Variants in MYT1L observed in about 807,000 individuals in gnomAD.
The protein encoded by MYT1L is myelin transcription factor 1 like.
In MYT1L, 12 loss-of-function variants were observed where a neutral mutation model predicts 126.7. The observed-to-expected ratio is 0.09, with a 90% CI of 0.06 to 0.15. The LOEUF is 0.15. Ranked by LOEUF, MYT1L falls within the 10% of genes least tolerant of loss-of-function variation. MYT1L has a pLI of 1.00. For synonymous variants in MYT1L, 541 were observed against 604.2 expected, an observed-to-expected ratio of 0.90 and a Z score of 1.53; for missense variants, 979 against 1,585.2, an observed-to-expected ratio of 0.62 and a Z score of 6.49.
Position 1,917,054 on chromosome 2 carries a change from C to T in MYT1L, c.1618+151G>A. 9.6e-7 allele frequency: 1 copy of T among 1,043,914 alleles called. No homozygotes were observed. The highest frequency in any genetic ancestry group is 1.4e-6 in the Non-Finnish European group (1 of 726,098). 64.7% of individuals were successfully genotyped at this position (1,043,914 alleles called of 1,614,324 possible). On this transcript the variant is annotated intron_variant, in intron 11 of 24. Coordinates refer to ENST00000647738, the MANE Select transcript of MYT1L (RefSeq NM_001303052.2). The surrounding 1 kb of genome is among the most constrained non-coding windows in gnomAD (Gnocchi z 5.9). The stretch of plus-strand genomic sequence containing the variant: ...TGTGCCATTGGCATGCCCACGAATC[C>T]TGGATCAGTTGCCCATCAAGTTAAG...
Position 1,912,109 on chromosome 2 carries a change from G to A in MYT1L, c.1620C>T (p.Ile540=). The A allele has an allele frequency of 6.4e-7, 1 of 1,571,910 alleles. No homozygotes were observed. ...CPHKDRVPPE[I]LAMHESVLKC... ...TGAGGACACTTTCATGCATGGCAAG[G>A]ACTTGACAGGGAGAGGCAAAGAGAA... Residue 540 remains isoleucine, a splice_region_variant and synonymous_variant, in exon 12 of 25, where the codon ATC becomes ATT. Transcript: ENST00000647738. This position sits in a 1 kb window ranked among gnomAD's most constrained non-coding sequence, Gnocchi z 4.3.
intron 2 of MYT1L, among the ~76,000 whole-genome samples, chr2:2,208,333 C>A (rs17338491): frequency 0.12 from 18,440 of 152,122 alleles, 1,176 homozygotes; most frequent in Non-Finnish European, 0.15. Flanking sequence ...TGGCGGTAAA[C>A]GTGTCTGGTT....
In MYT1L at chr2:2,005,895, C is replaced by T. The variant is rs114155222; in HGVS notation, c.-157-8548G>A. Reference sequence around the variant, plus strand: ...TTCCTGCATGCGTTCTTTCCTCATGCGTTCTTTCCTGCGTGCCTTCTTTCC... The same window carrying T: ...TTCCTGCATGCGTTCTTTCCTCATGTGTTCTTTCCTGCGTGCCTTCTTTCC... On this transcript the variant is annotated intron_variant, in intron 4 of 24. Coordinates refer to ENST00000647738, the MANE Select transcript of MYT1L (RefSeq NM_001303052.2). Among the ~76,000 whole-genome samples, 1,216 of 146,688 alleles carry T rather than the reference C, an allele frequency of 8.3e-3. 17 individuals carry two copies. Among genetic ancestry groups the T allele is most frequent in the African/African-American group, 0.028 (1,111 of 39,204 alleles).
intron 2 of MYT1L, among the ~76,000 whole-genome samples, chr2:2,216,072 A>ACTTCCAGCATGTAAAATGCTTT (rs6146586): frequency 0.31 from 46,380 of 150,982 alleles, 7,513 homozygotes; most frequent in African/African-American, 0.42. Context: ...TCTCAGTTCC[A>ACTTCCAGCATGTAAAATGCTTT]CGTTCCACCT....
chr2:2,125,690 T>C (rs2081595531), intron 3 of MYT1L, among the ~76,000 whole-genome samples: 1 of 152,198 alleles, frequency 6.6e-6, no homozygotes, highest in African/African-American at 2.4e-5. Context: ...AGAATCATTA[T>C]GAGTATAGTG....
chr2:1,871,073 C>A (rs1030473640), intron 18 of MYT1L, among the ~76,000 whole-genome samples: 1 of 152,222 alleles, frequency 6.6e-6, no homozygotes, highest in African/African-American at 2.4e-5. Context: ...GCAGGTGAGA[C>A]AGAAGAAGCT....
rs145244209 is a variant in MYT1L, at chr2:1,902,976, G to A, written c.2032+104C>T. ...AAGTCCTGTTCTTTTGGTACCCATT[G>A]AGTGACCACCACCGCTCAACTAATT... On this transcript the variant is annotated intron_variant, in intron 14 of 24. Transcript: ENST00000647738. The A allele has an allele frequency of 7.6e-3, 8,055 of 1,061,356 alleles. 39 individuals are homozygous for A. The highest frequency in any genetic ancestry group is 0.017 in the Middle Eastern group (59 of 3,486). 65.7% of individuals were successfully genotyped at this position (1,061,356 alleles called of 1,614,324 possible). A position where few individuals can be genotyped will look rare whatever the true frequency, so the allele number is the denominator to read the frequency against.
chr2:1,922,453 G>A lies in MYT1L; in HGVS notation c.1316C>T (p.Ala439Val). 1 of 1,613,866 alleles carries A rather than the reference G, an allele frequency of 6.2e-7. No individual in the cohort carries two copies. The highest frequency in any genetic ancestry group is 8.5e-7 in the Non-Finnish European group (1 of 1,179,888). The change falls in exon 10 of 25, where the codon GCT becomes GTT. Residue 439 changes from alanine (A) to valine (V), a missense_variant. Physicochemically the swap from Ala to Val is moderately conservative, Grantham distance 64 (BLOSUM62 0). This residue lies in a region of MYT1L where 67 missense variants were observed against 80.3 expected (regional missense o/e 0.83). Transcript: ENST00000647738. The surrounding 1 kb of genome is among the most constrained non-coding windows in gnomAD (Gnocchi z 7.4). ...GNLTLLEKAI[A>V]LETERAKAMR... ...GGCCTTTGCTCTTTCCGTTTCCAAA[G>A]CGATGGCTTTCTCCAGCAGGGTCAG...
intron 21 of MYT1L, chr2:1,828,650 T>C (rs936027397): frequency 6.6e-6 from 1 of 152,236 alleles, no homozygotes. Context: ...TTAAATGAGA[T>C]GACTGATTTA....
intron 2 of MYT1L, among the ~76,000 whole-genome samples, chr2:2,181,749 C>T (rs755510247): frequency 7.2e-5 from 11 of 152,132 alleles, no homozygotes; most frequent in Non-Finnish European, 4.4e-5. Flanking sequence ...AGGGTGCATG[C>T]CGAGAAGTGA....
At chr2:2,291,163 G>A (rs2095593594) in intron 1 of MYT1L, among the ~76,000 whole-genome samples, 1 of 152,040 alleles carries the variant, frequency 6.6e-6, no homozygotes, top group Admixed American at 6.6e-5. Flanking sequence ...ACAAAGCACA[G>A]AAGCAGCCTA....
chr2:1,951,500 G>A (rs753952077), intron 8 of MYT1L, among the ~76,000 whole-genome samples: 2 of 152,174 alleles, frequency 1.3e-5, no homozygotes, highest in Non-Finnish European at 2.9e-5. Flanking sequence ...CACATCCACA[G>A]GAAAGAGAGA....
chr2:2,095,149 C>T (rs543924992), intron 3 of MYT1L, among the ~76,000 whole-genome samples: 1 of 152,356 alleles, frequency 6.6e-6, no homozygotes, highest in African/African-American at 2.4e-5. Flanking sequence ...GGGAGAAGCG[C>T]TGTGTCCCAG....
chr2:1,997,995 A>T (rs1322189464), intron 4 of MYT1L, among the ~76,000 whole-genome samples: 1 of 152,210 alleles, frequency 6.6e-6, no homozygotes, highest in Admixed American at 6.5e-5. Context: ...TCAGGAGATA[A>T]TAATTGAAAC....
At chr2:2,245,516 T>C (rs1038404564) in intron 2 of MYT1L, among the ~76,000 whole-genome samples, 2 of 152,118 alleles carry the variant, frequency 1.3e-5, no homozygotes, top group African/African-American at 4.8e-5. Flanking sequence ...CTACAACTCA[T>C]TCAAAGTGTA....
At chr2:1,864,315 AG>A in intron 18 of MYT1L, among the ~76,000 whole-genome samples, 1 of 152,132 alleles carries the variant, frequency 6.6e-6, no homozygotes, top group Admixed American at 6.5e-5. Flanking sequence ...ACCCCTGCCT[AG>A]GGGCTGCACC....
chr2:1,976,428 G>GATC (rs904189554), intron 8 of MYT1L, among the ~76,000 whole-genome samples: 6 of 152,232 alleles, frequency 3.9e-5, no homozygotes, highest in Admixed American at 3.3e-4. Context: ...GATCACCGGA[G>GATC]ATCAGGAGTT....
At chr2:2,305,509 A>C (rs942766786) in intron 1 of MYT1L, among the ~76,000 whole-genome samples, 7 of 152,236 alleles carry the variant, frequency 4.6e-5, no homozygotes, top group African/African-American at 1.7e-4. Flanking sequence ...AGAAGCAGGC[A>C]CTTCACTGAG....
intron 8 of MYT1L, among the ~76,000 whole-genome samples, chr2:1,965,255 G>A (rs1439790085): frequency 6.8e-6 from 1 of 147,762 alleles, no homozygotes; most frequent in Non-Finnish European, 1.5e-5. Flanking sequence ...GCAGGGACCA[G>A]GCAGGGAAGA....
Sources: gnomAD v4.1 joint callset for allele counts (sites outside exome capture counted in the v4.1 genomes callset) on GRCh38, gnomAD v4.1.1 for gene constraint, gnomAD v4.1.1 regional missense constraint, Gnocchi (gnomAD v3.1) non-coding constraint, MANE v1.5 for transcripts, NCBI Gene and HGNC (gene_info 2026-07-23, HGNC 2026-07-21) for gene names.